Variants in ARHGEF38 observed in about 807,000 individuals in gnomAD.
The protein encoded by ARHGEF38 is Rho guanine nucleotide exchange factor 38.
Under a neutral mutation model 79.9 loss-of-function variants are expected in ARHGEF38, and 79 were observed. That is an observed-to-expected ratio of 0.99 (90% CI 0.82 to 1.19). ARHGEF38 has a LOEUF of 1.19. Ranked by LOEUF, ARHGEF38 falls within the 50% of genes most tolerant of loss-of-function variation. ARHGEF38 has a pLI of 0.00. For missense variants in ARHGEF38, 962 were observed against 907.2 expected, an observed-to-expected ratio of 1.06 and a Z score of -0.78; for synonymous variants, 366 against 328.3, an observed-to-expected ratio of 1.11 and a Z score of -1.24.
chr4:105,591,412 G>A (rs1727329483), intron 2 of ARHGEF38, among the ~76,000 whole-genome samples: 2 of 152,104 alleles, frequency 1.3e-5, no homozygotes, highest in South Asian at 4.1e-4. Context: ...TGTATATTTA[G>A]TAGAGACGGG....
intron 1 of ARHGEF38, among the ~76,000 whole-genome samples, chr4:105,584,706 CA>C (rs1726950402): frequency 6.6e-6 from 1 of 152,064 alleles, no homozygotes; most frequent in Non-Finnish European, 1.5e-5. Context: ...ATAGATATTA[CA>C]ATTACATATT....
chr4:105,625,219 T>C (rs1728895918), intron 3 of ARHGEF38, among the ~76,000 whole-genome samples: 1 of 152,222 alleles, frequency 6.6e-6, no homozygotes, highest in Admixed American at 6.5e-5. Flanking sequence ...GTTCATGTCA[T>C]ATTTTCATAT....
chr4:105,562,888 C>T (rs889087600), intron 1 of ARHGEF38, among the ~76,000 whole-genome samples: 5 of 152,102 alleles, frequency 3.3e-5, no homozygotes, highest in African/African-American at 1.2e-4. Context: ...AGGGAGAGGC[C>T]GAGCTGTGAT....
chr4:105,647,738 C>T (rs763613283), intron 6 of ARHGEF38, among the ~76,000 whole-genome samples: 57 of 152,236 alleles, frequency 3.7e-4, no homozygotes, highest in Non-Finnish European at 6.8e-4. Context: ...ATGTTTTCAA[C>T]ATTATGAAAG....
Position 105,678,121 on chromosome 4 carries a change from T to C in ARHGEF38, c.*184T>C, listed in dbSNP as rs1301896756. ...TATTGCATGAATGTATTATAAAGGA[T>C]ACATGTTGAAAGAAATACTAAGCCA... On this transcript the variant is annotated 3_prime_UTR_variant, in exon 14 of 14. Transcript: ENST00000420470. The C allele has an allele frequency of 4.5e-6, 2 of 440,390 alleles. No individual in the cohort carries two copies. The highest frequency in any genetic ancestry group is 3.4e-5 in the East Asian group (1 of 29,446). 27.3% of individuals were successfully genotyped at this position (440,390 alleles called of 1,614,324 possible).
chr4:105,571,379 A>G (rs1005661266), intron 1 of ARHGEF38, among the ~76,000 whole-genome samples: 3 of 138,860 alleles, frequency 2.2e-5, no homozygotes, highest in Admixed American at 7.8e-5. Context: ...CTGGAGTGCA[A>G]TGGCGCAATC....
chr4:105,613,217 A>G (rs1728370179), intron 2 of ARHGEF38, among the ~76,000 whole-genome samples, 167 bp from the exon 3 acceptor site: 1 of 152,128 alleles, frequency 6.6e-6, no homozygotes, highest in Non-Finnish European at 1.5e-5. Context: ...CATCATCCCA[A>G]TTTCTTGGAA....
intron 1 of ARHGEF38, among the ~76,000 whole-genome samples, chr4:105,564,889 G>T (rs62317358): frequency 6.6e-6 from 1 of 152,138 alleles, no homozygotes; most frequent in Non-Finnish European, 1.5e-5. Context: ...TGCCCAAGGT[G>T]GTCAGCCAGC....
At chr4:105,561,419 A>AGAATAGAATAGAATGGAATGGAATG (rs1560684256) in intron 1 of ARHGEF38, among the ~76,000 whole-genome samples, 1 of 46,048 alleles carries the variant, frequency 2.2e-5, no homozygotes, top group Non-Finnish European at 4.2e-5. Flanking sequence ...AGAATAGAAT[A>AGAATAGAATAGAATGGAATGGAATG]GAATGGAATA....
Position 105,654,507 on chromosome 4 carries a change from T to C in ARHGEF38, c.1113+338T>C, listed in dbSNP as rs139945313. On this transcript the variant is annotated intron_variant, in intron 8 of 13. Coordinates refer to ENST00000420470, the MANE Select transcript of ARHGEF38 (RefSeq NM_001242729.2). ...TTGCAAGAGACAGAAAATTTGTTTGTTTGTACTAACACATCTCTTTCTAGT... is the reference window on the plus strand; with the variant it reads ...TTGCAAGAGACAGAAAATTTGTTTGCTTGTACTAACACATCTCTTTCTAGT... Among the ~76,000 whole-genome samples, 360 of 152,284 alleles carry C rather than the reference T, an allele frequency of 2.4e-3. 2 individuals carry two copies. The highest frequency in any genetic ancestry group is 8.4e-3 in the African/African-American group (349 of 41,558).
At chr4:105,598,687 T>C (rs1164997561) in intron 2 of ARHGEF38, among the ~76,000 whole-genome samples, 12 of 152,002 alleles carry the variant, frequency 7.9e-5, no homozygotes, top group Admixed American at 3.9e-4. Context: ...TTTTTTTTAA[T>C]CAAAGACTTG....
At chr4:105,583,498 C>G (rs1288994648) in intron 1 of ARHGEF38, among the ~76,000 whole-genome samples, 1 of 152,138 alleles carries the variant, frequency 6.6e-6, no homozygotes, top group African/African-American at 2.4e-5. Context: ...ACCACCTCTC[C>G]CAGATATCTG....
At chr4:105,607,842 G>GTTAACAAGAC (rs1728117636) in intron 2 of ARHGEF38, among the ~76,000 whole-genome samples, 1 of 152,102 alleles carries the variant, frequency 6.6e-6, no homozygotes, top group Non-Finnish European at 1.5e-5. Context: ...GGATCCAAGA[G>GTTAACAAGAC]TTAACAAGAC....
chr4:105,617,340 ATGAT>A (rs1432566021), intron 3 of ARHGEF38, among the ~76,000 whole-genome samples: 1 of 152,176 alleles, frequency 6.6e-6, no homozygotes, highest in African/African-American at 2.4e-5. Context: ...GTAGTTGAAA[ATGAT>A]TGGTGTATAT....
intron 2 of ARHGEF38, among the ~76,000 whole-genome samples, chr4:105,597,148 G>A (rs1727618672): frequency 6.6e-6 from 1 of 152,046 alleles, no homozygotes; most frequent in Admixed American, 6.5e-5. Context: ...GTAGCTCACT[G>A]AAATACAAGA....
chr4:105,657,149 G>A lies in ARHGEF38; in HGVS notation c.1233+1427G>A, dbSNP rs561763010. On this transcript the variant is annotated intron_variant, in intron 9 of 13. Coordinates refer to ENST00000420470, the MANE Select transcript of ARHGEF38 (RefSeq NM_001242729.2). Reference sequence around the variant, plus strand: ...TATTTTCTGCATTTAATTATAGAGAGCACACATTCTAGAAGTCTTTAAAGG... The same window carrying A: ...TATTTTCTGCATTTAATTATAGAGAACACACATTCTAGAAGTCTTTAAAGG... Among the ~76,000 whole-genome samples the A allele has an allele frequency of 2.0e-5, 3 of 152,230 alleles. No homozygotes were observed. In the South Asian group the frequency reaches 6.2e-4, roughly 32 times the overall value.
chr4:105,591,663 G>A (rs1727346568), intron 2 of ARHGEF38, among the ~76,000 whole-genome samples: 1 of 152,220 alleles, frequency 6.6e-6, no homozygotes, highest in African/African-American at 2.4e-5. Flanking sequence ...AGGCATGGAA[G>A]CCTTTTCTTA....
At chr4:105,602,101 T>G (rs1009821622) in intron 2 of ARHGEF38, among the ~76,000 whole-genome samples, 1 of 152,086 alleles carries the variant, frequency 6.6e-6, no homozygotes, top group Non-Finnish European at 1.5e-5. Context: ...AGAGAAGGGA[T>G]GGGATTTGCA....
At position 105,680,234 on chromosome 4, in the gene ARHGEF38, A is replaced by G. The variant is rs1366612140; in HGVS notation, c.*2297A>G. ...TTTTCCTTAAGTCACTAAAATCTGTAGTTATATAATCTTACATAAAGCATA... is the reference window on the plus strand; with the variant it reads ...TTTTCCTTAAGTCACTAAAATCTGTGGTTATATAATCTTACATAAAGCATA... On this transcript the variant is annotated 3_prime_UTR_variant, in exon 14 of 14. Coordinates refer to ENST00000420470, the MANE Select transcript of ARHGEF38 (RefSeq NM_001242729.2). 4 of 429,014 alleles carry G rather than the reference A, an allele frequency of 9.3e-6. No individual in the cohort carries two copies. Among genetic ancestry groups the G allele is most frequent in the Admixed American group, 6.9e-5 (2 of 28,820 alleles). The allele number at this position is 429,014 out of a possible 1,614,324, so 26.6% of individuals were successfully genotyped here.
Sources: allele counts gnomAD v4.1 joint callset (sites outside exome capture counted in the v4.1 genomes callset), GRCh38; gene constraint gnomAD v4.1.1; transcripts MANE v1.5; gene names NCBI Gene and HGNC (gene_info 2026-07-23, HGNC 2026-07-21).